The following TPRG1 variants were observed in gnomAD, a reference collection of about 807,000 sequenced individuals.
TPRG1 encodes the protein tumor protein p63-regulated gene 1 protein.
TPRG1 carries 29 observed loss-of-function variants against 29.3 expected under a neutral mutation model. The ratio of observed to expected loss-of-function variants is 0.99; its 90% CI spans 0.74 to 1.35. TPRG1 has a LOEUF of 1.35. TPRG1 is among the 40% of genes most tolerant of loss of function. The pLI, the probability that TPRG1 is intolerant of heterozygous loss-of-function variation, is 0.00. For missense variants in TPRG1, 327 were observed against 335.0 expected, an observed-to-expected ratio of 0.98 and a Z score of 0.19; for synonymous variants, 130 against 116.8, an observed-to-expected ratio of 1.11 and a Z score of -0.73.
rs1724258164 is a variant in TPRG1, at chr3:189,320,936, G to T, written c.*116G>T. On this transcript the variant is annotated 3_prime_UTR_variant, in exon 6 of 6. Transcript: ENST00000345063. ...TAATTATTTTTAAATGACGCTTTATGATTTAGAAATTTAGTATTTCCGAAA... is the reference window on the plus strand; with the variant it reads ...TAATTATTTTTAAATGACGCTTTATTATTTAGAAATTTAGTATTTCCGAAA... 2.0e-6 allele frequency: 2 copies of T among 1,018,474 alleles called. No individual in the cohort carries two copies. The highest frequency in any genetic ancestry group is 1.7e-5 in the African/African-American group (1 of 59,702). 63.1% of individuals were successfully genotyped at this position (1,018,474 alleles called of 1,614,324 possible).
chr3:189,281,772 G>A (rs1717173635), intron 4 of TPRG1, among the ~76,000 whole-genome samples: 1 of 152,120 alleles, frequency 6.6e-6, no homozygotes, highest in Non-Finnish European at 1.5e-5. Flanking sequence ...GGTTTGACAT[G>A]TTTTCCATCT....
rs1560689366 is a variant in TPRG1, at chr3:189,312,156, TC to T, written c.633+1618del. 8.9e-4 allele frequency among the ~76,000 whole-genome samples: 55 copies of T among 61,566 alleles called. No individual in the cohort carries two copies. The East Asian group carries it at 9.9e-3, about 11-fold the overall frequency. 40.4% of individuals were successfully genotyped at this position (61,566 alleles called of 152,430 possible). The stretch of plus-strand genomic sequence containing the variant: ...TTCTTTCTTTCTTTCTTTCTTTCTT[TC>T]TTTCTTTCTTTCTTTCTTTCTTTCT... On this transcript the variant is annotated intron_variant, in intron 5 of 5. Coordinates refer to ENST00000345063, the MANE Select transcript of TPRG1 (RefSeq NM_198485.4).
rs751838585 is a variant in TPRG1 at position 189,155,592 on chromosome 3, G to A, written c.-10+4720G>A. On this transcript the variant is annotated intron_variant, in intron 5 of 6. Coordinates refer to the TPRG1 transcript ENST00000412373. ...TGGAAGTGTCAAGGGTCAAGGATAT[G>A]GATACAGTGAAAGCATTCATCGATA... 1.1e-4 allele frequency among the ~76,000 whole-genome samples: 17 copies of A among 152,212 alleles called. 2 individuals are homozygous for A. In the Middle Eastern group the frequency reaches 0.027, roughly 244 times the overall value.
At chr3:189,080,481 C>A (rs1553900355) in intron 4 of TPRG1, among the ~76,000 whole-genome samples, 1 of 152,114 alleles carries the variant, frequency 6.6e-6, no homozygotes, top group Non-Finnish European at 1.5e-5. Context: ...TTTTTTCCTG[C>A]TTTCCTGGAG....
intron 4 of TPRG1, among the ~76,000 whole-genome samples, chr3:189,033,575 AC>A (rs559272026): frequency 2.4e-3 from 349 of 147,138 alleles, no homozygotes; most frequent in Non-Finnish European, 4.3e-3. Flanking sequence ...CACTTAGCCT[AC>A]TCTTCTACTC....
At chr3:189,261,011 T>C (rs559862723) in intron 4 of TPRG1, among the ~76,000 whole-genome samples, 1 of 152,298 alleles carries the variant, frequency 6.6e-6, no homozygotes, top group South Asian at 2.1e-4. Context: ...TGGCTTCGCG[T>C]CTGTCAGTGT....
chr3:189,004,209 T>C (rs759664530), intron 2 of TPRG1, among the ~76,000 whole-genome samples: 2 of 152,130 alleles, frequency 1.3e-5, no homozygotes, highest in Admixed American at 6.6e-5. Context: ...CAAACCCCCA[T>C]GACACAATTT....
chr3:189,056,323 T>A (rs1715696018), intron 4 of TPRG1, among the ~76,000 whole-genome samples: 3 of 152,066 alleles, frequency 2.0e-5, no homozygotes, highest in African/African-American at 7.2e-5. Context: ...CTTGAACTCC[T>A]GACCTCAAGT....
chr3:189,007,337 C>T (rs1712346478), intron 3 of TPRG1, among the ~76,000 whole-genome samples: 1 of 152,052 alleles, frequency 6.6e-6, no homozygotes, highest in Non-Finnish European at 1.5e-5. Context: ...CAAATCAAAA[C>T]CACAGTGAGA....
At chr3:188,999,293 A>T (rs1168024793) in intron 1 of TPRG1, among the ~76,000 whole-genome samples, 1 of 152,060 alleles carries the variant, frequency 6.6e-6, no homozygotes, top group Admixed American at 6.6e-5. Flanking sequence ...GGGAAAGAGA[A>T]GTCTCCTTGA....
intron 1 of TPRG1, among the ~76,000 whole-genome samples, chr3:188,998,151 C>T (rs570663365): frequency 2.2e-4 from 4 of 17,950 alleles, no homozygotes; most frequent in South Asian, 6.7e-3. Flanking sequence ...TGGGAGCAGA[C>T]CATAAACAAA....
chr3:189,174,904 C>T (rs773780747), intron 1 of TPRG1, among the ~76,000 whole-genome samples: 2 of 152,144 alleles, frequency 1.3e-5, no homozygotes, highest in Admixed American at 6.5e-5. Context: ...TATGATAGCA[C>T]ATAGATAGCA....
intron 1 of TPRG1, among the ~76,000 whole-genome samples, chr3:189,106,664 A>G (rs1332152011): frequency 1.3e-5 from 2 of 152,268 alleles, no homozygotes; most frequent in East Asian, 3.9e-4. Flanking sequence ...TGAATAAATG[A>G]CTATTACATT....
At position 189,014,191 on chromosome 3, in the gene TPRG1, C is replaced by G. The variant is rs144532360; in HGVS notation, c.-660+9431C>G. ...GTTTCTTTCAGAAGGTGTTGTAAGGCAGGTCTAGTGGTAACGAATTGCCTC... is the reference window on the plus strand; with the variant it reads ...GTTTCTTTCAGAAGGTGTTGTAAGGGAGGTCTAGTGGTAACGAATTGCCTC... On this transcript the variant is annotated intron_variant, in intron 3 of 10. Transcript: ENST00000433971. 2.6e-3 allele frequency among the ~76,000 whole-genome samples: 391 copies of G among 152,268 alleles called. 1 individual carries two copies. The highest frequency in any genetic ancestry group is 0.023 in the South Asian group (109 of 4,824).
At chr3:189,272,614 C>CTTCT (rs1338002481) in intron 4 of TPRG1, among the ~76,000 whole-genome samples, 1 of 138,378 alleles carries the variant, frequency 7.2e-6, no homozygotes, top group Non-Finnish European at 1.6e-5. Flanking sequence ...CTTCTCTTCT[C>CTTCT]TTCTTTCTTT....
rs765851564 is a variant in TPRG1 at position 189,320,772 on chromosome 3, C to G, written c.780C>G (p.Asn260Lys). The G allele has an allele frequency of 6.2e-7, 1 of 1,610,120 alleles. No individual in the cohort carries two copies. Among genetic ancestry groups the G allele is most frequent in the South Asian group, 1.1e-5 (1 of 90,440 alleles). The change falls in exon 6 of 6, where the codon AAC (asparagine) becomes AAG (lysine). Residue 260 changes from asparagine (N) to lysine (K), a missense_variant. By Grantham distance (94) the Asn-to-Lys change is moderately conservative. Transcript: ENST00000345063. ...TYTGLMSFIG[N>K]RNKLGYSLAR... is the part of the protein sequence containing the mutation. ...CAGGGCTGATGTCATTCATTGGAAA[C>G]CGCAACAAACTTGGCTATTCCCTTG...
intron 5 of TPRG1, among the ~76,000 whole-genome samples, chr3:189,314,376 C>G (rs1311063052): frequency 6.6e-6 from 1 of 152,116 alleles, no homozygotes; most frequent in Non-Finnish European, 1.5e-5. Flanking sequence ...AAAGAAAGAG[C>G]ATTAATGGAT....
At chr3:189,244,538 A>G (rs1360637057) in intron 4 of TPRG1, among the ~76,000 whole-genome samples, 1 of 152,202 alleles carries the variant, frequency 6.6e-6, no homozygotes, top group African/African-American at 2.4e-5. Flanking sequence ...AAAAGGGAAC[A>G]AGGCATCTCA....
At chr3:189,255,778 C>T (rs1711747897) in intron 4 of TPRG1, among the ~76,000 whole-genome samples, 1 of 152,120 alleles carries the variant, frequency 6.6e-6, no homozygotes, top group East Asian at 1.9e-4. Context: ...AGGAATTTAT[C>T]CATTTCTTCT....
Sources: allele counts gnomAD v4.1 joint callset (sites outside exome capture counted in the v4.1 genomes callset), GRCh38; gene constraint gnomAD v4.1.1; transcripts MANE v1.5; gene names NCBI Gene and HGNC (gene_info 2026-07-23, HGNC 2026-07-21).